Variants in NUDT3 observed in about 807,000 individuals in gnomAD.
NUDT3 encodes nudix hydrolase 3.
A neutral mutation model predicts 23.6 loss-of-function variants in NUDT3; 9 were observed. That is an observed-to-expected ratio of 0.38 (90% confidence interval 0.23 to 0.66). NUDT3 has a LOEUF of 0.66. Ranked by LOEUF, NUDT3 falls within the 30% of genes least tolerant of loss-of-function variation. The probability of loss-of-function intolerance (pLI) is 0.52; values close to 1 mark genes in which losing one functional copy is unlikely to be tolerated. For synonymous variants in NUDT3, 86 were observed against 82.6 expected, an observed-to-expected ratio of 1.04 and a Z score of -0.22; for missense variants, 172 against 218.5, an observed-to-expected ratio of 0.79 and a Z score of 1.34.
At chr6:34,329,755 ACTC>A (rs1764098668) in intron 2 of NUDT3, among the ~76,000 whole-genome samples, 1 of 151,776 alleles carries the variant, frequency 6.6e-6, no homozygotes, top group South Asian at 2.1e-4. Flanking sequence ...GCACCCATTA[ACTC>A]CTCATTTACA....
intron 2 of NUDT3, among the ~76,000 whole-genome samples, chr6:34,332,299 C>T (rs1406848771): frequency 6.6e-6 from 1 of 151,864 alleles, no homozygotes; most frequent in East Asian, 1.9e-4. Flanking sequence ...ATTAAGAAAA[C>T]CATAAGGAAG....
At chr6:34,323,391 A>T (rs1763975195) in intron 2 of NUDT3, among the ~76,000 whole-genome samples, 1 of 151,944 alleles carries the variant, frequency 6.6e-6, no homozygotes, top group South Asian at 2.1e-4. Flanking sequence ...ACATGGTGAA[A>T]CTCCATCTCT....
chr6:34,329,190 T>C (rs974755738), intron 2 of NUDT3, among the ~76,000 whole-genome samples: 3 of 152,080 alleles, frequency 2.0e-5, no homozygotes, highest in Admixed American at 2.0e-4. Flanking sequence ...TTGCTCTGTG[T>C]GTGTTGTGTA....
At chr6:34,346,298 A>C (rs1318199856) in intron 1 of NUDT3, among the ~76,000 whole-genome samples, 1 of 152,230 alleles carries the variant, frequency 6.6e-6, no homozygotes, top group African/African-American at 2.4e-5. Flanking sequence ...AAAAAGTAGT[A>C]AAATGGGTTA....
At chr6:34,331,335 T>C (rs2113726541) in intron 2 of NUDT3, among the ~76,000 whole-genome samples, 1 of 152,144 alleles carries the variant, frequency 6.6e-6, no homozygotes, top group East Asian at 1.9e-4. Flanking sequence ...GTCCATGACC[T>C]GCTGGATTTT....
chr6:34,348,910 A>C (rs1170378142), intron 1 of NUDT3, among the ~76,000 whole-genome samples: 1 of 151,696 alleles, frequency 6.6e-6, no homozygotes, highest in Non-Finnish European at 1.5e-5. Context: ...CCCAGGCTAG[A>C]GCGCAGTGGT....
Position 34,284,652 on chromosome 6 carries a change from C to G in NUDT3, c.*4101G>C, listed in dbSNP as rs1465404387. 2 of 149,696 alleles carry G rather than the reference C, an allele frequency of 1.3e-5. No individual in the cohort carries two copies. Among genetic ancestry groups the G allele is most frequent in the South Asian group, 4.2e-4 (2 of 4,720 alleles). 9.3% of individuals were successfully genotyped at this position (149,696 alleles called of 1,614,324 possible). A position where few individuals can be genotyped will look rare whatever the true frequency, so the allele number is the denominator to read the frequency against. ...ATGTGAAATGTACACTCAGGTCTAA[C>G]AAATACCTATTATTTCTCTGGTTAA... On this transcript the variant is annotated 3_prime_UTR_variant, in exon 5 of 5. Coordinates refer to ENST00000607016, the MANE Select transcript of NUDT3 (RefSeq NM_006703.4).
intron 1 of NUDT3, among the ~76,000 whole-genome samples, chr6:34,358,563 A>C (rs1311226473): frequency 6.6e-6 from 1 of 152,178 alleles, no homozygotes; most frequent in Non-Finnish European, 1.5e-5. Context: ...CTAATTCCAC[A>C]CATAAGCACA....
chr6:34,324,367 A>AG (rs1348078756), intron 2 of NUDT3, among the ~76,000 whole-genome samples: 1 of 152,120 alleles, frequency 6.6e-6, no homozygotes, highest in Non-Finnish European at 1.5e-5. Flanking sequence ...AAAAAAAAAA[A>AG]AAGCCTTCAG....
chr6:34,338,791 A>C (rs1361569809), intron 2 of NUDT3, among the ~76,000 whole-genome samples: 1 of 152,214 alleles, frequency 6.6e-6, no homozygotes, highest in African/African-American at 2.4e-5. Flanking sequence ...ATGGGTTAGC[A>C]CAGCCAGGCA....
At position 34,369,874 on chromosome 6, in the gene NUDT3, C is replaced by G. The variant is rs987137183; in HGVS notation, c.99+22390G>C. On this transcript the variant is annotated intron_variant, in intron 1 of 4. Transcript: ENST00000607016. ...CAGAGACCCTAATCCTGACCTCTTC[C>G]TAGTATGACTAACACATGCCACTGG... Among the ~76,000 whole-genome samples, 22 of 152,252 alleles carry G rather than the reference C, an allele frequency of 1.4e-4. No individual in the cohort carries two copies. In the East Asian group the frequency reaches 2.7e-3, roughly 19 times the overall value.
chr6:34,377,200 T>C (rs1259713703), intron 1 of NUDT3, among the ~76,000 whole-genome samples: 1 of 152,192 alleles, frequency 6.6e-6, no homozygotes, highest in African/African-American at 2.4e-5. Flanking sequence ...CAGCCACTTG[T>C]TCAACTGTAC....
Position 34,288,363 on chromosome 6 carries a change from TA to T in NUDT3, c.*389del. ...ATTGGAAGTTTTCATCTCATACTGG[TA>T]TCTTTTAATAAAAAAAAAAAATTAA... On this transcript the variant is annotated 3_prime_UTR_variant, in exon 5 of 5. Transcript: ENST00000607016. 6.0e-6 allele frequency: 1 copy of T among 167,200 alleles called. No individual in the cohort carries two copies. Among genetic ancestry groups the T allele is most frequent in the Non-Finnish European group, 1.3e-5 (1 of 78,322 alleles). The allele number at this position is 167,200 out of a possible 1,614,324, so 10.4% of individuals were successfully genotyped here. A position where few individuals can be genotyped will look rare whatever the true frequency, so the allele number is the denominator to read the frequency against.
At chr6:34,334,953 AAG>A (rs1263808594) in intron 2 of NUDT3, among the ~76,000 whole-genome samples, 1 of 151,772 alleles carries the variant, frequency 6.6e-6, no homozygotes, top group Non-Finnish European at 1.5e-5. Context: ...GAAAAGAGGA[AAG>A]AGAGAGAAAG....
intron 1 of NUDT3, among the ~76,000 whole-genome samples, 193 bp from the exon 2 acceptor site, chr6:34,342,165 G>A (rs1317347801): frequency 2.0e-5 from 3 of 151,876 alleles, no homozygotes; most frequent in African/African-American, 7.3e-5. Context: ...AAGCAGAAGG[G>A]CATCTGAAGG....
rs572536662 is a variant in NUDT3, at chr6:34,351,203, A to C, written c.100-9231T>G. 2.1e-3 allele frequency among the ~76,000 whole-genome samples: 237 copies of C among 112,030 alleles called. 22 individuals carry two copies. Among genetic ancestry groups the C allele is most frequent in the African/African-American group, 2.3e-3 (49 of 21,708 alleles). 73.5% of individuals were successfully genotyped at this position (112,030 alleles called of 152,430 possible). A position where few individuals can be genotyped will look rare whatever the true frequency, so the allele number is the denominator to read the frequency against. On this transcript the variant is annotated intron_variant, in intron 1 of 4. Transcript: ENST00000607016. ...CGTCTCTACACTCCCCTGCCTAAAA[A>C]AAAAAAAAAAAAAAAAAAAAAAACA...
chr6:34,355,105 A>C (rs1764542546), intron 1 of NUDT3, among the ~76,000 whole-genome samples: 1 of 152,112 alleles, frequency 6.6e-6, no homozygotes, highest in Admixed American at 6.6e-5. Flanking sequence ...ATCTATTCCC[A>C]GTATTAGGAG....
chr6:34,302,600 C>T (rs915390232), intron 2 of NUDT3, among the ~76,000 whole-genome samples: 2 of 152,014 alleles, frequency 1.3e-5, no homozygotes, highest in Admixed American at 6.6e-5. Flanking sequence ...AGCATGGTGG[C>T]GTGTGCCTGT....
At chr6:34,310,704 G>A (rs529418540) in intron 2 of NUDT3, among the ~76,000 whole-genome samples, 58 of 152,190 alleles carry the variant, frequency 3.8e-4, no homozygotes, top group Middle Eastern at 3.4e-3. Flanking sequence ...TGAGGCCAGC[G>A]TTACCCTCAT....
Sources: gnomAD v4.1 joint callset for allele counts (sites outside exome capture counted in the v4.1 genomes callset) on GRCh38, gnomAD v4.1.1 for gene constraint, MANE v1.5 for transcripts, NCBI Gene and HGNC (gene_info 2026-07-23, HGNC 2026-07-21) for gene names.